The following GPC5 variants were observed in gnomAD, a reference collection of about 807,000 sequenced individuals.
GPC5 encodes glypican 5, also known as glypican-5.
Under a neutral mutation model 53.9 loss-of-function variants are expected in GPC5, and 47 were observed. The ratio of observed to expected loss-of-function variants is 0.87; its 90% confidence interval spans 0.69 to 1.11. GPC5 has a LOEUF of 1.11. Among genes scored for constraint, GPC5 ranks in the 50% most tolerant of loss-of-function variants. The probability of loss-of-function intolerance (pLI) is 0.00; values close to 1 mark genes in which losing one functional copy is unlikely to be tolerated. For synonymous variants in GPC5, 286 were observed against 263.3 expected (o/e 1.09, Z -0.84); for missense variants, 748 against 713.1 (o/e 1.05, Z -0.56).
chr13:92,582,482 G>A (rs1277679521), intron 7 of GPC5, among the ~76,000 whole-genome samples: 1 of 151,942 alleles, frequency 6.6e-6, no homozygotes, highest in Non-Finnish European at 1.5e-5. Context: ...AAGTTACTTA[G>A]GCTATTTGAG....
intron 2 of GPC5, among the ~76,000 whole-genome samples, chr13:91,545,109 A>G (rs573976240): frequency 6.6e-6 from 1 of 152,232 alleles, no homozygotes; most frequent in South Asian, 2.1e-4. Context: ...GCACACCATC[A>G]CTTCTGCTTT....
chr13:92,059,194 A>T (rs1157390248), intron 6 of GPC5, among the ~76,000 whole-genome samples: 2 of 152,154 alleles, frequency 1.3e-5, no homozygotes, highest in East Asian at 3.9e-4. Context: ...TATCTATATC[A>T]TCTTAAAATG....
chr13:91,545,878 A>C (rs954548463), intron 2 of GPC5, among the ~76,000 whole-genome samples: 1 of 152,088 alleles, frequency 6.6e-6, no homozygotes, highest in Non-Finnish European at 1.5e-5. Context: ...TATTTTTCCT[A>C]TATGTTCAAT....
chr13:92,026,199 C>G (rs990208572), intron 6 of GPC5, among the ~76,000 whole-genome samples: 3 of 152,010 alleles, frequency 2.0e-5, no homozygotes, highest in South Asian at 4.2e-4. Flanking sequence ...ATTGTGGGAA[C>G]AAAAATTTTA....
chr13:92,526,322 T>G (rs1375425280), intron 7 of GPC5, among the ~76,000 whole-genome samples: 1 of 152,052 alleles, frequency 6.6e-6, no homozygotes, highest in African/African-American at 2.4e-5. Flanking sequence ...GCTAACAAAT[T>G]TGTGCTTTCA....
intron 6 of GPC5, among the ~76,000 whole-genome samples, chr13:92,036,961 T>A (rs1002684835): frequency 3.3e-5 from 5 of 152,188 alleles, no homozygotes; most frequent in Admixed American, 3.3e-4. Context: ...ACCTTCCTAC[T>A]CCTTCCTTAC....
At chr13:92,837,924 C>T (rs1878273579) in intron 7 of GPC5, among the ~76,000 whole-genome samples, 2 of 151,602 alleles carry the variant, frequency 1.3e-5, no homozygotes, top group South Asian at 2.1e-4. Context: ...GAAACCCCGT[C>T]TCTACTAAAA....
rs202020898 is a variant in GPC5, at chr13:91,693,796, T to C, written c.935T>C (p.Ile312Thr). ...GATGCAATGCATGGAACATACGACA[T>C]TGGACACGTGCTGCTGAACTTTCAC... ...LSDAMHGTYD[I>T]GHVLLNFHLL... is the part of the protein sequence containing the mutation. Residue 312 changes from isoleucine (I) to threonine (T), a missense_variant, in exon 3 of 8, where the codon ATT becomes ACT. Ile to Thr is a moderately conservative substitution (Grantham distance 89). Coordinates refer to ENST00000377067, the MANE Select transcript of GPC5 (RefSeq NM_004466.6). 8.1e-6 allele frequency: 13 copies of C among 1,613,946 alleles called. No homozygotes were observed. Among genetic ancestry groups the C allele is most frequent in the Middle Eastern group, 1.6e-4 (1 of 6,062 alleles).
At chr13:92,562,806 G>A (rs1168959612) in intron 7 of GPC5, among the ~76,000 whole-genome samples, 1 of 151,934 alleles carries the variant, frequency 6.6e-6, no homozygotes, top group Non-Finnish European at 1.5e-5. Flanking sequence ...CTACAAAATG[G>A]CACCATACAT....
At chr13:91,694,000 T>A in intron 3 of GPC5, 119 bp downstream of exon 3, 1 of 773,670 alleles carries the variant, frequency 1.3e-6, no homozygotes, top group African/African-American at 1.8e-5. Context: ...AGATATTATT[T>A]TTTTATATCT....
At chr13:91,733,736 G>C (rs1470397884) in intron 4 of GPC5, among the ~76,000 whole-genome samples, 1 of 152,150 alleles carries the variant, frequency 6.6e-6, no homozygotes, top group African/African-American at 2.4e-5. Flanking sequence ...AGGCTGAAAT[G>C]ATGGGGTTTT....
intron 5 of GPC5, among the ~76,000 whole-genome samples, chr13:91,907,485 C>A (rs1211179348): frequency 1.2e-5 from 1 of 85,488 alleles, no homozygotes; most frequent in African/African-American, 5.2e-5. Flanking sequence ...TTAGGCTACT[C>A]TCTCTCTCTC....
intron 5 of GPC5, among the ~76,000 whole-genome samples, chr13:91,883,223 C>T (rs1282603977): frequency 2.0e-5 from 3 of 152,138 alleles, no homozygotes; most frequent in Non-Finnish European, 4.4e-5. Context: ...ACACAGTAAA[C>T]TTCTTATATG....
chr13:92,519,226 G>T (rs1250818385), intron 7 of GPC5, among the ~76,000 whole-genome samples: 1 of 152,162 alleles, frequency 6.6e-6, no homozygotes, highest in African/African-American at 2.4e-5. Context: ...CAATGAGACA[G>T]AAAGTTAATA....
chr13:92,224,521 C>T (rs776994272), intron 7 of GPC5, among the ~76,000 whole-genome samples: 15 of 152,196 alleles, frequency 9.9e-5, no homozygotes, highest in Non-Finnish European at 1.6e-4. Flanking sequence ...CTTCTGTTAA[C>T]GGATTTCAAT....
intron 7 of GPC5, among the ~76,000 whole-genome samples, chr13:92,671,202 A>T (rs1886738519): frequency 6.6e-6 from 1 of 152,180 alleles, no homozygotes; most frequent in Non-Finnish European, 1.5e-5. Context: ...ATCAGAACTG[A>T]GTTCTCTGTA....
chr13:92,620,819 G>A (rs1884844829), intron 7 of GPC5, among the ~76,000 whole-genome samples: 1 of 152,130 alleles, frequency 6.6e-6, no homozygotes, highest in African/African-American at 2.4e-5. Context: ...ATTACAAGAA[G>A]GCTTTCTCTT....
At chr13:92,583,855 G>T (rs1391621193) in intron 7 of GPC5, among the ~76,000 whole-genome samples, 1 of 152,106 alleles carries the variant, frequency 6.6e-6, no homozygotes, top group African/African-American at 2.4e-5. Flanking sequence ...TTGTTCTCAT[G>T]ATAGTAAGTC....
intron 7 of GPC5, among the ~76,000 whole-genome samples, chr13:92,838,793 A>G (rs1878316168): frequency 6.6e-6 from 1 of 152,242 alleles, no homozygotes; most frequent in Admixed American, 6.5e-5. Flanking sequence ...TGCAAATCAT[A>G]GAACTAAAAA....
Sources: gnomAD v4.1 joint callset for allele counts (sites outside exome capture counted in the v4.1 genomes callset) on GRCh38, gnomAD v4.1.1 for gene constraint, MANE v1.5 for transcripts, NCBI Gene and HGNC (gene_info 2026-07-23, HGNC 2026-07-21) for gene names.